The following GOLGB1 variants were observed in gnomAD, a reference collection of about 807,000 sequenced individuals.
The protein encoded by GOLGB1 is golgin B1.
Under a neutral mutation model 336.9 loss-of-function variants are expected in GOLGB1, and 174 were observed. The ratio of observed to expected loss-of-function variants is 0.52; its 90% CI spans 0.46 to 0.59. The LOEUF is 0.59. Among genes scored for constraint, GOLGB1 ranks in the 20% least tolerant of loss-of-function variants. GOLGB1 has a pLI of 0.00. For synonymous variants in GOLGB1, 1,208 were observed against 1,289.2 expected (o/e 0.94, Z 1.35); for missense variants, 3,331 against 3,645.3 (o/e 0.91, Z 2.22).
intron 9 of GOLGB1, among the ~76,000 whole-genome samples, chr3:121,716,258 C>T (rs1255792625): frequency 6.6e-6 from 1 of 152,026 alleles, no homozygotes; most frequent in Admixed American, 6.6e-5. Flanking sequence ...TTCCTTTATA[C>T]CTTCATAAAG....
chr3:121,695,670 T>C lies in GOLGB1; in HGVS notation c.4853A>G (p.Lys1618Arg). The change falls in exon 13 of 22, where the codon AAA (lysine) becomes AGA (arginine). Residue 1618 changes from lysine (K) to arginine (R), a missense_variant. Transcript: ENST00000614479. The part of the protein sequence containing the change: ...EWQEKHKELQ[K>R]EYEILLQSYE... ...GGACTGCAGAAGAATTTCATACTCT[T>C]TTTGTAGCTCCTTGTGTTTCTCTTG... 1.2e-6 allele frequency: 2 copies of C among 1,612,872 alleles called. No homozygotes were observed. The highest frequency in any genetic ancestry group is 1.7e-6 in the Non-Finnish European group (2 of 1,180,004).
Position 121,694,617 on chromosome 3 carries a change from C to A in GOLGB1, c.5906G>T (p.Cys1969Phe). The change falls in exon 13 of 22, where the codon TGT becomes TTT. Residue 1969 changes from cysteine (C) to phenylalanine (F), a missense_variant. Coordinates refer to ENST00000614479, the MANE Select transcript of GOLGB1 (RefSeq NM_001366282.2). ...CTTTTCTTCTTCCAATTCACTCACA[C>A]ACTTTTTAAGGTTCTTCATTTCAGA... is the stretch of plus-strand genomic sequence containing the variant. ...LESEMKNLKK[C>F]VSELEEEKQQ... 6.2e-7 allele frequency: 1 copy of A among 1,612,166 alleles called. No homozygotes were observed. The highest frequency in any genetic ancestry group is 1.7e-5 in the Admixed American group (1 of 60,012).
chr3:121,727,321 T>TATATATATATATA (rs1491103201), intron 4 of GOLGB1, among the ~76,000 whole-genome samples: 3 of 29,028 alleles, frequency 1.0e-4, no homozygotes, highest in Admixed American at 7.1e-4. Context: ...TATATATATA[T>TATATATATATATA]TTTTTTTTTT....
At chr3:121,712,946 G>A (rs548754131) in intron 10 of GOLGB1, among the ~76,000 whole-genome samples, 1 of 152,028 alleles carries the variant, frequency 6.6e-6, no homozygotes, top group African/African-American at 2.4e-5. Flanking sequence ...GGCGGATCAC[G>A]AGGTCAGGAG....
At chr3:121,689,607 G>C (rs1390349100) in intron 14 of GOLGB1, among the ~76,000 whole-genome samples, 1 of 147,170 alleles carries the variant, frequency 6.8e-6, no homozygotes, top group African/African-American at 2.5e-5. Flanking sequence ...CTATGACCCT[G>C]CCAAATCCCC....
At chr3:121,671,580 A>G (rs549339644) in intron 17 of GOLGB1, among the ~76,000 whole-genome samples, 1 of 152,310 alleles carries the variant, frequency 6.6e-6, no homozygotes, top group Admixed American at 6.5e-5. Flanking sequence ...ATAATTTGTA[A>G]AGATCAAATC....
intron 5 of GOLGB1, among the ~76,000 whole-genome samples, chr3:121,723,433 T>C (rs1479033827): frequency 6.6e-6 from 1 of 152,250 alleles, no homozygotes; most frequent in Non-Finnish European, 1.5e-5. Flanking sequence ...TAACAGTTGA[T>C]ACCAATTTAA....
intron 10 of GOLGB1, 92 bp from the exon 11 acceptor site, chr3:121,702,687 A>C (rs1176234301): frequency 1.0e-5 from 5 of 478,030 alleles, no homozygotes; most frequent in Admixed American, 3.6e-5. Flanking sequence ...TGTCTTCTAG[A>C]AGTTCTCCAG....
intron 5 of GOLGB1, 29 bp downstream of exon 5, chr3:121,726,884 A>C: frequency 6.5e-7 from 1 of 1,532,848 alleles, no homozygotes; most frequent in Non-Finnish European, 8.8e-7. Flanking sequence ...TCATTAACCT[A>C]ATGATTATGA....
chr3:121,716,657 A>G (rs1944803076), intron 9 of GOLGB1, 80 bp downstream of exon 9: 1 of 1,182,556 alleles, frequency 8.5e-7, no homozygotes, highest in Middle Eastern at 2.1e-4. Flanking sequence ...TACAGATTTC[A>G]TTAACAGATC....
chr3:121,685,178 A>G (rs1399219822), intron 14 of GOLGB1, among the ~76,000 whole-genome samples: 2 of 152,230 alleles, frequency 1.3e-5, no homozygotes, highest in African/African-American at 2.4e-5. Context: ...TGTAACTCTG[A>G]ATTGATTTAA....
In GOLGB1 at chr3:121,665,041, GA is replaced by G. The variant is rs773011537; in HGVS notation, c.9555-11del. On this transcript the variant is annotated splice_polypyrimidine_tract_variant and intron_variant, in intron 20 of 21. Transcript: ENST00000614479. ...TTCACTGTGCTCTAACCTGAGTTGAGAAAAAAAAGAGGCATAGCATTGGTTC... is the reference window on the plus strand; with the variant it reads ...TTCACTGTGCTCTAACCTGAGTTGAGAAAAAAAGAGGCATAGCATTGGTTC... 1.4e-5 allele frequency: 21 copies of G among 1,484,172 alleles called. No individual in the cohort carries two copies. The highest frequency in any genetic ancestry group is 2.3e-5 in the South Asian group (2 of 87,398). The allele number at this position is 1,484,172 out of a possible 1,614,324, so 91.9% of individuals were successfully genotyped here.
chr3:121,717,163 T>A, intron 8 of GOLGB1, 24 bp from the exon 9 acceptor site: 3 of 1,564,456 alleles, frequency 1.9e-6, no homozygotes, highest in Non-Finnish European at 2.6e-6. Context: ...CAAAGTCTCA[T>A]GAGCCATAAA....
In GOLGB1 at chr3:121,664,536, T is replaced by C. The variant is rs758007679; in HGVS notation, c.9739A>G (p.Ile3247Val). The change falls in exon 22 of 22, where the codon ATC becomes GTC. Residue 3247 changes from isoleucine (I) to valine (V), a missense_variant. Coordinates refer to ENST00000614479, the MANE Select transcript of GOLGB1 (RefSeq NM_001366282.2). ...SRTRVPLLAA[I>V]YFLMIHVLLI... ...AGGACATGAATCATTAGAAAGTAGA[T>C]GGCTGCTAGAAGTGGCACTCGGGTC... 1.1e-5 allele frequency: 18 copies of C among 1,613,436 alleles called. No individual in the cohort carries two copies. Among genetic ancestry groups the C allele is most frequent in the African/African-American group, 2.7e-5 (2 of 74,864 alleles).
intron 20 of GOLGB1, among the ~76,000 whole-genome samples, chr3:121,666,183 G>C (rs910793592): frequency 1.3e-5 from 2 of 152,172 alleles, no homozygotes; most frequent in African/African-American, 4.8e-5. Flanking sequence ...CTGCTCTTTA[G>C]AGTACATGTG....
Position 121,691,390 on chromosome 3 carries a change from CT to C in GOLGB1, c.7973del (p.Lys2658ArgfsTer21). On this transcript the variant is annotated frameshift_variant, in exon 14 of 22. Transcript: ENST00000614479. LOFTEE classifies it high-confidence loss of function. ...RLSALFSSSQ[K>X]RIAELEEELV... The stretch of plus-strand genomic sequence containing the variant: ...ATTCTTCTTCCAGTTCTGCAATTCT[CT>C]TTTGAGAGGAGGAAAACAAAGCACT... 1 of 1,613,672 alleles carries C rather than the reference CT, an allele frequency of 6.2e-7. No individual in the cohort carries two copies. The highest frequency in any genetic ancestry group is 1.1e-5 in the South Asian group (1 of 90,992).
At chr3:121,731,005 G>A (rs750533104) in intron 1 of GOLGB1, 32 bp from the exon 2 acceptor site, 1 of 1,599,136 alleles carries the variant, frequency 6.3e-7, no homozygotes, top group South Asian at 1.1e-5. Flanking sequence ...AAAAACCTAA[G>A]AATCAGCAAA....
intron 10 of GOLGB1, among the ~76,000 whole-genome samples, chr3:121,712,030 G>A (rs1456255862): frequency 6.6e-6 from 1 of 152,168 alleles, no homozygotes; most frequent in Non-Finnish European, 1.5e-5. Context: ...GAAGAACAAA[G>A]TTGGAGGACT....
At chr3:121,728,052 G>A (rs1945807311) in intron 4 of GOLGB1, among the ~76,000 whole-genome samples, 1 of 152,150 alleles carries the variant, frequency 6.6e-6, no homozygotes, top group African/African-American at 2.4e-5. Flanking sequence ...TCATAGCTGA[G>A]GAGAAGCTGG....
Sources: allele counts gnomAD v4.1 joint callset (sites outside exome capture counted in the v4.1 genomes callset), GRCh38; gene constraint gnomAD v4.1.1; transcripts MANE v1.5; gene names NCBI Gene and HGNC (gene_info 2026-07-23, HGNC 2026-07-21).